TAB1: variants seen among roughly 807,000 people sequenced by gnomAD.
TAB1 encodes TGF-beta activated kinase 1 (MAP3K7) binding protein 1, also known as TGF-beta-activated kinase 1 and MAP3K7-binding protein 1.
A neutral mutation model predicts 54.5 loss-of-function variants in TAB1; 30 were observed. The observed-to-expected ratio is 0.55, with a 90% CI of 0.41 to 0.75. TAB1 has a LOEUF of 0.75. Ranked by LOEUF, TAB1 falls within the 30% of genes least tolerant of loss-of-function variation. The pLI is 0.00. For synonymous variants in TAB1, 289 were observed against 286.9 expected (o/e 1.01, Z -0.07); for missense variants, 609 against 683.2 (o/e 0.89, Z 1.21).
At chr22:39,418,128 G>T (rs1756732783) in intron 5 of TAB1, among the ~76,000 whole-genome samples, 1 of 152,156 alleles carries the variant, frequency 6.6e-6, no homozygotes, top group Non-Finnish European at 1.5e-5. Context: ...CTTGGGGGCC[G>T]CTGCTTCTGG....
intron 7 of TAB1, among the ~76,000 whole-genome samples, chr22:39,420,968 C>T (rs1927061122): frequency 6.8e-6 from 1 of 146,268 alleles, no homozygotes; most frequent in Non-Finnish European, 1.5e-5. Context: ...TTTCGGAACA[C>T]CCAGGTGCTG....
chr22:39,432,903 C>A (rs754380935), downstream of TAB1: 25 of 985,254 alleles, frequency 2.5e-5, no homozygotes, highest in Non-Finnish European at 3.0e-5. Context: ...AGGGGAAGCT[C>A]GGGAATGGGT....
At position 39,426,940 on chromosome 22, in the gene TAB1, C is replaced by A; in HGVS notation, c.1144+15C>A. ...CCCAGCCCCAGGTACGTGTGCTGTG[C>A]AGACAGGCAGTGCCTGGGGATGCCA... On this transcript the variant is annotated intron_variant, in intron 9 of 10. Coordinates refer to ENST00000216160, the MANE Select transcript of TAB1 (RefSeq NM_006116.3). 1 of 1,603,300 alleles carries A rather than the reference C, an allele frequency of 6.2e-7. No individual in the cohort carries two copies.
rs17001097 is a variant in TAB1, at chr22:39,420,563, C to T, written c.776+933C>T. Reference sequence around the variant, plus strand: ...TCACGCGATCTAGGCAACTGAGTGTCGAATATTTGTCCCTAATTTGTGGGG... The same window carrying T: ...TCACGCGATCTAGGCAACTGAGTGTTGAATATTTGTCCCTAATTTGTGGGG... On this transcript the variant is annotated intron_variant, in intron 7 of 10. Coordinates refer to ENST00000216160, the MANE Select transcript of TAB1 (RefSeq NM_006116.3). Among the ~76,000 whole-genome samples the T allele has an allele frequency of 1.5e-3, 229 of 152,254 alleles. 3 individuals are homozygous for T. Among genetic ancestry groups the T allele is most frequent in the East Asian group, 0.011 (59 of 5,176 alleles).
At chr22:39,413,941 A>G (rs1279140506) in intron 1 of TAB1, among the ~76,000 whole-genome samples, 1 of 152,196 alleles carries the variant, frequency 6.6e-6, no homozygotes, top group Non-Finnish European at 1.5e-5. Flanking sequence ...ACAGATGCTC[A>G]GGATGTACCC....
Position 39,415,714 on chromosome 22 carries a change from G to T in TAB1, c.324+61G>T. ...TCATGTCCCCCACCCCAAGGCTTGG[G>T]CCCTGCACCTCTAGCATGTTGCCAG... On this transcript the variant is annotated intron_variant, in intron 3 of 10. Coordinates refer to ENST00000216160, the MANE Select transcript of TAB1 (RefSeq NM_006116.3). The surrounding 1 kb of genome is among the most constrained non-coding windows in gnomAD (Gnocchi z 4.9). 1.9e-6 allele frequency: 3 copies of T among 1,566,004 alleles called. No homozygotes were observed. The highest frequency in any genetic ancestry group is 2.6e-6 in the Non-Finnish European group (3 of 1,157,428).
chr22:39,416,921 A>C (rs1290435286), intron 4 of TAB1, 44 bp downstream of exon 4: 3 of 1,585,316 alleles, frequency 1.9e-6, no homozygotes. Context: ...GTCCAGGCCC[A>C]GCTTTGCAAG....
At chr22:39,433,062 T>G (rs998490770), downstream of TAB1, 2 of 985,302 alleles carry the variant, frequency 2.0e-6, no homozygotes, top group South Asian at 9.4e-5. Context: ...CTCCAGCCTG[T>G]CTGCCTCCCA....
At chr22:39,428,245 C>A in intron 10 of TAB1, 62 bp downstream of exon 10, 2 of 1,220,490 alleles carry the variant, frequency 1.6e-6, no homozygotes, top group Non-Finnish European at 2.3e-6. Context: ...TCCTGTGGCA[C>A]CAGGACAGAA....
chr22:39,399,954 T>G, intron 1 of TAB1, 119 bp downstream of exon 1: 2 of 1,097,920 alleles, frequency 1.8e-6, no homozygotes. Flanking sequence ...GTGGGGTGTG[T>G]CAGCCACCTT....
Position 39,430,649 on chromosome 22 carries a change from G to A in TAB1, c.*427G>A, listed in dbSNP as rs1273281049. On this transcript the variant is annotated 3_prime_UTR_variant, in exon 11 of 11. Coordinates refer to ENST00000216160, the MANE Select transcript of TAB1 (RefSeq NM_006116.3). ...CTCCCACCATCACCTCCCTCACCTC[G>A]GGACAGTAGCCCTCCACTTCTCCAG... The A allele has an allele frequency of 1.9e-5, 21 of 1,078,244 alleles. No homozygotes were observed. In the African/African-American group the frequency reaches 2.1e-4, roughly 11 times the overall value. The allele number at this position is 1,078,244 out of a possible 1,614,324, so 66.8% of individuals were successfully genotyped here. A position where few individuals can be genotyped will look rare whatever the true frequency, so the allele number is the denominator to read the frequency against.
At chr22:39,433,755 C>T, downstream of TAB1, 1 of 985,458 alleles carries the variant, frequency 1.0e-6, no homozygotes, top group African/African-American at 1.7e-5. Flanking sequence ...TCTGGAGCGA[C>T]TCCAGGCTGC....
chr22:39,434,015 C>T (rs1449344874), downstream of TAB1, among the ~76,000 whole-genome samples: 6 of 152,282 alleles, frequency 3.9e-5, no homozygotes, highest in East Asian at 5.8e-4. Context: ...CAGCCAGGCA[C>T]GCAGCAGCCC....
downstream of TAB1, among the ~76,000 whole-genome samples, chr22:39,434,555 C>T (rs182587258): frequency 8.5e-3 from 1,293 of 152,342 alleles, 13 homozygotes; most frequent in Non-Finnish European, 9.6e-3. Context: ...TGTTCCCACG[C>T]GGAGGTGATG....
At chr22:39,409,630 T>C (rs140804949) in intron 1 of TAB1, among the ~76,000 whole-genome samples, 211 of 152,258 alleles carry the variant, frequency 1.4e-3, no homozygotes, top group Non-Finnish European at 2.6e-3. Context: ...GAAGCCTCCT[T>C]CTCTGCCTTC....
intron 1 of TAB1, among the ~76,000 whole-genome samples, chr22:39,407,019 T>C (rs1926396571): frequency 6.6e-6 from 1 of 152,222 alleles, no homozygotes; most frequent in Non-Finnish European, 1.5e-5. Context: ...AGATTGTTAA[T>C]CTGTCAAAGG....
At chr22:39,433,595 A>G, downstream of TAB1, 1 of 985,378 alleles carries the variant, frequency 1.0e-6, no homozygotes, top group Non-Finnish European at 1.2e-6. Context: ...AGCCATCCTC[A>G]CTAGGAGTTG....
chr22:39,399,820 G>A lies in TAB1; in HGVS notation c.18G>A (p.Arg6=). The A allele has an allele frequency of 1.3e-6, 2 of 1,597,816 alleles. No homozygotes were observed. Among genetic ancestry groups the A allele is most frequent in the Admixed American group, 1.8e-5 (1 of 57,142 alleles). The change falls in exon 1 of 11, where the codon AGG becomes AGA. Residue 6 remains arginine (R), a synonymous_variant. Coordinates refer to ENST00000216160, the MANE Select transcript of TAB1 (RefSeq NM_006116.3). MAAQR[R]SLLQSEQQPS... ...CCTCCAAGATGGCGGCGCAGAGGAG[G>A]AGCTTGCTGCAGAGTGTGAGGAACA...
At chr22:39,403,873 T>A (rs1010424026) in intron 1 of TAB1, among the ~76,000 whole-genome samples, 3 of 152,110 alleles carry the variant, frequency 2.0e-5, no homozygotes, top group African/African-American at 7.2e-5. Context: ...CTCGATCTCC[T>A]GACCTCGTGA....
Sources: gnomAD v4.1 joint callset for allele counts (sites outside exome capture counted in the v4.1 genomes callset) on GRCh38, gnomAD v4.1.1 for gene constraint, Gnocchi (gnomAD v3.1) non-coding constraint, MANE v1.5 for transcripts, NCBI Gene and HGNC (gene_info 2026-07-23, HGNC 2026-07-21) for gene names.